LRMDA: variants seen among roughly 807,000 people sequenced by gnomAD.
LRMDA encodes the protein leucine rich melanocyte differentiation associated, also known as leucine-rich melanocyte differentiation-associated protein.
LRMDA carries 18 observed loss-of-function variants against 29.8 expected under a neutral mutation model. That is an observed-to-expected ratio of 0.60 (90% CI 0.42 to 0.90). The LOEUF (loss-of-function observed/expected upper bound fraction) is 0.90. Ranked by LOEUF, LRMDA falls within the 40% of genes least tolerant of loss-of-function variation. LRMDA has a pLI of 0.00. For synonymous variants in LRMDA, 125 were observed against 109.4 expected (o/e 1.14, Z -0.89); for missense variants, 273 against 273.9 (o/e 1.00, Z 0.02).
chr10:76,158,544 G>A (rs575499953), intron 5 of LRMDA, among the ~76,000 whole-genome samples: 8 of 152,160 alleles, frequency 5.3e-5, no homozygotes, highest in South Asian at 2.1e-4. Flanking sequence ...TAAAGAGAAC[G>A]TACTACGAAG....
intron 2 of LRMDA, among the ~76,000 whole-genome samples, chr10:75,941,518 C>T (rs571421940): frequency 2.1e-3 from 326 of 152,270 alleles, no homozygotes; most frequent in Non-Finnish European, 4.2e-3. Flanking sequence ...GGTTCTGTCA[C>T]CGTTCATGGG....
At chr10:75,691,155 CAT>C (rs1842148781) in intron 2 of LRMDA, among the ~76,000 whole-genome samples, 2 of 91,140 alleles carry the variant, frequency 2.2e-5, no homozygotes, top group South Asian at 3.5e-4. Context: ...TATCTATATA[CAT>C]AGATATATAG....
chr10:75,911,194 T>G (rs2132376990), intron 2 of LRMDA, among the ~76,000 whole-genome samples: 1 of 152,242 alleles, frequency 6.6e-6, no homozygotes, highest in South Asian at 2.1e-4. Context: ...TCCCTCCCTT[T>G]CCTGGTGCTA....
chr10:76,371,462 A>C (rs576999972), intron 6 of LRMDA, among the ~76,000 whole-genome samples: 198 of 152,186 alleles, frequency 1.3e-3, no homozygotes, highest in Non-Finnish European at 2.3e-3. Flanking sequence ...GCAGGGCTAG[A>C]TCTTCTGCCC....
chr10:76,269,809 G>A (rs192425676), intron 5 of LRMDA, among the ~76,000 whole-genome samples: 1 of 152,136 alleles, frequency 6.6e-6, no homozygotes, highest in Non-Finnish European at 1.5e-5. Flanking sequence ...TGCTTATAAA[G>A]GTGGAAATAA....
chr10:76,471,710 A>G (rs929071087), intron 6 of LRMDA, among the ~76,000 whole-genome samples: 1 of 151,814 alleles, frequency 6.6e-6, no homozygotes, highest in Admixed American at 6.6e-5. Context: ...AGATAGTTTG[A>G]AAGTAAAAGA....
At chr10:75,557,894 A>C (rs75697332) in intron 2 of LRMDA, among the ~76,000 whole-genome samples, 1 of 152,120 alleles carries the variant, frequency 6.6e-6, no homozygotes, top group East Asian at 1.9e-4. Context: ...AGGTGTTTTG[A>C]TGTGTCCTTT....
chr10:75,807,293 G>A (rs1843871678), intron 2 of LRMDA, among the ~76,000 whole-genome samples: 1 of 152,176 alleles, frequency 6.6e-6, no homozygotes, highest in Admixed American at 6.5e-5. Context: ...GTCAAGAGAA[G>A]TCGAGCCCTT....
chr10:75,772,868 A>AGGGG (rs1554824984), intron 2 of LRMDA, among the ~76,000 whole-genome samples: 1 of 16,884 alleles, frequency 5.9e-5, no homozygotes. Flanking sequence ...GGGGGGTGGG[A>AGGGG]TGGGGGGGGG....
chr10:76,448,426 G>T (rs978081096), intron 6 of LRMDA, among the ~76,000 whole-genome samples: 2 of 151,918 alleles, frequency 1.3e-5, no homozygotes, highest in Non-Finnish European at 2.9e-5. Context: ...TATTTGTAAG[G>T]CACTTGATAC....
chr10:75,568,826 T>C (rs1308407661), intron 2 of LRMDA, among the ~76,000 whole-genome samples: 1 of 152,216 alleles, frequency 6.6e-6, no homozygotes, highest in Non-Finnish European at 1.5e-5. Context: ...AGAAATTGCA[T>C]AGTTTGCTTC....
intron 2 of LRMDA, among the ~76,000 whole-genome samples, chr10:76,020,688 C>A (rs1400181050): frequency 1.3e-5 from 2 of 152,216 alleles, no homozygotes; most frequent in Admixed American, 1.3e-4. Context: ...GTTCCCCTGG[C>A]AGCTCCCAAT....
At chr10:75,878,920 C>T (rs1007518291) in intron 2 of LRMDA, among the ~76,000 whole-genome samples, 22 of 152,142 alleles carry the variant, frequency 1.4e-4, no homozygotes, top group African/African-American at 4.6e-4. Context: ...GCAGTGGGTG[C>T]GTTCCTTAAT....
intron 2 of LRMDA, among the ~76,000 whole-genome samples, chr10:75,770,824 T>C (rs932752206): frequency 6.6e-6 from 1 of 152,108 alleles, no homozygotes; most frequent in African/African-American, 2.4e-5. Context: ...GGAAGCTGAA[T>C]TGGGAACTTG....
intron 6 of LRMDA, among the ~76,000 whole-genome samples, chr10:76,463,328 A>G (rs557115756): frequency 6.6e-6 from 1 of 152,324 alleles, no homozygotes; most frequent in South Asian, 2.1e-4. Flanking sequence ...GAAATTCAGG[A>G]AAGGGAAGTG....
chr10:75,823,867 T>G (rs1340087221), intron 2 of LRMDA, among the ~76,000 whole-genome samples: 1 of 152,156 alleles, frequency 6.6e-6, no homozygotes, highest in Non-Finnish European at 1.5e-5. Flanking sequence ...CCATCCATTA[T>G]CCTTAGTGAA....
chr10:76,222,513 T>G (rs1428430315), intron 5 of LRMDA, among the ~76,000 whole-genome samples: 1 of 151,866 alleles, frequency 6.6e-6, no homozygotes, highest in African/African-American at 2.4e-5. Context: ...AAAAAACACA[T>G]GAAAAAATGC....
chr10:75,510,995 C>T (rs1187828380), intron 2 of LRMDA, among the ~76,000 whole-genome samples: 1 of 152,174 alleles, frequency 6.6e-6, no homozygotes, highest in Non-Finnish European at 1.5e-5. Context: ...CCCTTCTGTG[C>T]CCACACTGGC....
intron 2 of LRMDA, among the ~76,000 whole-genome samples, chr10:76,017,916 T>C (rs1039889571): frequency 6.6e-5 from 10 of 152,318 alleles, no homozygotes; most frequent in Middle Eastern, 3.4e-3. Flanking sequence ...TCTAGTGACG[T>C]TGGAGAAGGG....
Sources: allele counts gnomAD v4.1 joint callset (sites outside exome capture counted in the v4.1 genomes callset), GRCh38; gene constraint gnomAD v4.1.1; transcripts MANE v1.5; gene names NCBI Gene and HGNC (gene_info 2026-07-23, HGNC 2026-07-21).